The following TACR3 variants were observed in gnomAD, a reference collection of about 807,000 sequenced individuals.
TACR3 encodes the protein neuromedin-K receptor.
TACR3 carries 34 observed loss-of-function variants against 35.0 expected under a neutral mutation model. That is an observed-to-expected ratio of 0.97 (90% CI 0.74 to 1.30). The LOEUF is 1.30. TACR3 is among the 50% of genes most tolerant of loss of function. TACR3 has a pLI of 0.00. For synonymous variants in TACR3, 233 were observed against 221.1 expected (o/e 1.05, Z -0.48); for missense variants, 558 against 591.7 (o/e 0.94, Z 0.59).
intron 3 of TACR3, among the ~76,000 whole-genome samples, chr4:103,596,278 G>T (rs944055207): frequency 6.6e-6 from 1 of 151,952 alleles, no homozygotes; most frequent in Non-Finnish European, 1.5e-5. Flanking sequence ...TAATGGGATG[G>T]CTGGGTCAAA....
At chr4:103,686,978 A>G (rs1722260756) in intron 1 of TACR3, among the ~76,000 whole-genome samples, 2 of 152,198 alleles carry the variant, frequency 1.3e-5, no homozygotes, top group Non-Finnish European at 2.9e-5. Context: ...CTTGATGAAC[A>G]CTGATGCAAA....
chr4:103,662,751 G>A (rs146107016), intron 1 of TACR3, among the ~76,000 whole-genome samples: 147 of 152,282 alleles, frequency 9.7e-4, no homozygotes, highest in African/African-American at 3.4e-3. Flanking sequence ...AGATTGAAAT[G>A]TGGCATCAAC....
chr4:103,642,931 A>C (rs1416213340), intron 3 of TACR3, among the ~76,000 whole-genome samples: 1 of 151,864 alleles, frequency 6.6e-6, no homozygotes, highest in African/African-American at 2.4e-5. Context: ...ATGTACCCCC[A>C]AAATATGTAC....
intron 1 of TACR3, among the ~76,000 whole-genome samples, chr4:103,715,713 C>A (rs1350649441): frequency 3.9e-5 from 6 of 152,058 alleles, no homozygotes; most frequent in East Asian, 1.9e-4. Context: ...TAATTTCTAA[C>A]CTAATCTCAA....
intron 1 of TACR3, among the ~76,000 whole-genome samples, chr4:103,701,122 G>C (rs1311317848): frequency 6.6e-6 from 1 of 152,142 alleles, no homozygotes; most frequent in Non-Finnish European, 1.5e-5. Context: ...CCTGTTTGCA[G>C]ATGACATGAT....
chr4:103,690,600 G>A (rs1269935396), intron 1 of TACR3, among the ~76,000 whole-genome samples: 1 of 152,102 alleles, frequency 6.6e-6, no homozygotes, highest in Non-Finnish European at 1.5e-5. Flanking sequence ...CAGCAAGAGT[G>A]TAAGAGATGT....
chr4:103,694,365 T>C (rs1370126886), intron 1 of TACR3, among the ~76,000 whole-genome samples: 1 of 144,302 alleles, frequency 6.9e-6, no homozygotes, highest in African/African-American at 2.9e-5. Flanking sequence ...TCATGGTAGT[T>C]AGTCAACAAC....
intron 3 of TACR3, among the ~76,000 whole-genome samples, chr4:103,619,603 C>A (rs982616233): frequency 6.6e-6 from 1 of 152,078 alleles, no homozygotes; most frequent in Non-Finnish European, 1.5e-5. Flanking sequence ...TTTCAGGTCT[C>A]AAGGAGAATG....
At chr4:103,689,473 A>G (rs1722349745) in intron 1 of TACR3, among the ~76,000 whole-genome samples, 1 of 152,182 alleles carries the variant, frequency 6.6e-6, no homozygotes, top group South Asian at 2.1e-4. Context: ...AATACAGACT[A>G]TCAAAGATAT....
At chr4:103,603,377 G>T (rs150396991) in intron 3 of TACR3, among the ~76,000 whole-genome samples, 4 of 152,178 alleles carry the variant, frequency 2.6e-5, no homozygotes, top group African/African-American at 9.7e-5. Flanking sequence ...GCTTTGGCTC[G>T]TGCACGGTGC....
intron 3 of TACR3, among the ~76,000 whole-genome samples, chr4:103,596,041 A>G (rs1308005373): frequency 2.0e-5 from 3 of 150,906 alleles, no homozygotes; most frequent in Non-Finnish European, 3.0e-5. Flanking sequence ...GAGAATGATG[A>G]TTTCCAATTT....
At chr4:103,706,461 C>CA (rs1159567395) in intron 1 of TACR3, among the ~76,000 whole-genome samples, 1 of 151,788 alleles carries the variant, frequency 6.6e-6, no homozygotes, top group Admixed American at 6.6e-5. Flanking sequence ...TTAATAACAG[C>CA]ATGTTAATTC....
chr4:103,588,079 G>C lies in TACR3; in HGVS notation c.*1603C>G, dbSNP rs1051315961. The C allele has an allele frequency of 4.0e-5, 6 of 151,862 alleles. No individual in the cohort carries two copies. Among genetic ancestry groups the C allele is most frequent in the African/African-American group, 1.5e-4 (6 of 41,364 alleles). The allele number at this position is 151,862 out of a possible 1,614,324, so 9.4% of individuals were successfully genotyped here. A position where few individuals can be genotyped will look rare whatever the true frequency, so the allele number is the denominator to read the frequency against. ...AGCTTGTTTAGACTCCGAACTTTTT[G>C]TAACAATTGGATATTTCTGGTTTTG... On this transcript the variant is annotated 3_prime_UTR_variant, in exon 5 of 5. Coordinates refer to ENST00000304883, the MANE Select transcript of TACR3 (RefSeq NM_001059.3).
chr4:103,650,599 TATAA>T (rs1392924372), intron 3 of TACR3, among the ~76,000 whole-genome samples: 1 of 101,918 alleles, frequency 9.8e-6, no homozygotes, highest in East Asian at 2.3e-4. Flanking sequence ...ATAAAATTTA[TATAA>T]AATATATAAA....
rs1443016512 is a variant in TACR3, at chr4:103,612,875, A to G, written c.889-21192T>C. Among the ~76,000 whole-genome samples, 7 of 152,272 alleles carry G rather than the reference A, an allele frequency of 4.6e-5. No individual in the cohort carries two copies. The South Asian group carries it at 1.5e-3, about 32-fold the overall frequency. The stretch of plus-strand genomic sequence containing the variant: ...TAGAAGAATACCCAGAGCACATGAT[A>G]ACCCTCTTTTAAATAAATGAATAAA... On this transcript the variant is annotated intron_variant, in intron 3 of 4. Coordinates refer to ENST00000304883, the MANE Select transcript of TACR3 (RefSeq NM_001059.3).
At chr4:103,704,628 G>T (rs1722745630) in intron 1 of TACR3, among the ~76,000 whole-genome samples, 1 of 152,154 alleles carries the variant, frequency 6.6e-6, no homozygotes, top group Non-Finnish European at 1.5e-5. Context: ...AGAACAGCAT[G>T]GGAGAAACCA....
intron 1 of TACR3, among the ~76,000 whole-genome samples, chr4:103,699,505 C>G (rs1444762227): frequency 6.6e-6 from 1 of 152,098 alleles, no homozygotes; most frequent in African/African-American, 2.4e-5. Flanking sequence ...TATTGTGATT[C>G]CATTGCTAAT....
At chr4:103,673,533 T>C (rs182542931) in intron 1 of TACR3, among the ~76,000 whole-genome samples, 27 of 152,208 alleles carry the variant, frequency 1.8e-4, no homozygotes, top group Admixed American at 6.6e-5. Context: ...GCATGGTTCG[T>C]GAAGCTCCAA....
chr4:103,660,486 A>T (rs576492353), intron 1 of TACR3, among the ~76,000 whole-genome samples: 1 of 152,116 alleles, frequency 6.6e-6, no homozygotes, highest in South Asian at 2.1e-4. Flanking sequence ...ATTATCATGA[A>T]CTTTATCATG....
Sources: allele counts gnomAD v4.1 joint callset (sites outside exome capture counted in the v4.1 genomes callset), GRCh38; gene constraint gnomAD v4.1.1; transcripts MANE v1.5; gene names NCBI Gene and HGNC (gene_info 2026-07-23, HGNC 2026-07-21).